The following CASZ1 variants were observed in gnomAD, a reference collection of about 807,000 sequenced individuals.
CASZ1 encodes the protein zinc finger protein castor homolog 1.
A neutral mutation model predicts 135.2 loss-of-function variants in CASZ1; 28 were observed. That is an observed-to-expected ratio of 0.21 (90% CI 0.15 to 0.28). CASZ1 has a LOEUF of 0.28. Ranked by LOEUF, CASZ1 falls within the 10% of genes least tolerant of loss-of-function variation. CASZ1 has a pLI of 1.00. For synonymous variants in CASZ1, 1,068 were observed against 1,073.4 expected (o/e 0.99, Z 0.10); for missense variants, 2,161 against 2,453.3 (o/e 0.88, Z 2.52).
At chr1:10,753,941 C>T (rs546730893) in intron 2 of CASZ1, among the ~76,000 whole-genome samples, 2 of 152,324 alleles carry the variant, frequency 1.3e-5, no homozygotes, top group East Asian at 3.9e-4. Context: ...CCTGCAAGGC[C>T]TACGGGATCT....
At chr1:10,770,326 C>T (rs1050945705) in intron 1 of CASZ1, among the ~76,000 whole-genome samples, 1 of 152,178 alleles carries the variant, frequency 6.6e-6, no homozygotes, top group African/African-American at 2.4e-5. Flanking sequence ...CTCAAGTGGT[C>T]TGTCTGCTTC....
rs931880143 is a variant in CASZ1, at chr1:10,676,043, C to G, written c.17-10472G>C. On this transcript the variant is annotated intron_variant, in intron 4 of 20. Transcript: ENST00000377022. This position sits in a 1 kb window ranked among gnomAD's most constrained non-coding sequence, Gnocchi z 4.5. ...GCAGAGACAGTCAGGATGAACCAGG[C>G]GCCCAACCCCAGCAGCCAGGGAGGG... is the stretch of plus-strand genomic sequence containing the variant. Among the ~76,000 whole-genome samples the G allele has an allele frequency of 6.6e-6, 1 of 152,178 alleles. No individual in the cohort carries two copies. The highest frequency in any genetic ancestry group is 2.1e-4 in the South Asian group (1 of 4,830).
chr1:10,664,958 TG>T, intron 5 of CASZ1, 124 bp downstream of exon 5: 1 of 1,130,742 alleles, frequency 8.8e-7, no homozygotes, highest in Non-Finnish European at 1.2e-6. Context: ...CCTCCCTGGG[TG>T]GGATGAGGGG....
rs199542043 is a variant in CASZ1, at chr1:10,655,788, A to G, written c.1526T>C (p.Ile509Thr). 1.7e-4 allele frequency: 267 copies of G among 1,613,966 alleles called. No individual in the cohort carries two copies. Among genetic ancestry groups the G allele is most frequent in the Middle Eastern group, 8.2e-4 (5 of 6,066 alleles). Residue 509 changes from isoleucine to threonine, a missense_variant, in exon 9 of 21, where the codon ATC becomes ACC. Ile to Thr is a moderately conservative substitution (Grantham distance 89). Transcript: ENST00000377022. ...CTTCTTGTGCATGTTGTAGTGGCGG[A>G]TCACGTCCTGCTTACTCGTGAACCT... is the stretch of plus-strand genomic sequence containing the variant. ...YQRFTSKQDV[I>T]RHYNMHKKRD... is the part of the protein sequence containing the mutation.
intron 2 of CASZ1, among the ~76,000 whole-genome samples, chr1:10,758,770 G>A (rs1640307933): frequency 6.6e-6 from 1 of 152,192 alleles, no homozygotes; most frequent in Non-Finnish European, 1.5e-5. Flanking sequence ...ACATTGGTGA[G>A]GCAGGACAGC....
chr1:10,658,271 C>G (rs28635804), intron 7 of CASZ1: 2 of 525,364 alleles, frequency 3.8e-6, no homozygotes, highest in Admixed American at 3.1e-5. Context: ...CCGGCCCTAA[C>G]TGGGGGCACA....
chr1:10,658,664 G>A, intron 6 of CASZ1, 88 bp from the exon 7 acceptor site: 1 of 1,172,644 alleles, frequency 8.5e-7, no homozygotes, highest in Non-Finnish European at 1.3e-6. Flanking sequence ...CCTGCCCTGA[G>A]GCCCCAGCCC....
intron 20 of CASZ1, chr1:10,642,209 G>A (rs117131266): frequency 0.014 from 2,175 of 150,738 alleles, 25 homozygotes; most frequent in East Asian, 0.027. Flanking sequence ...AGGGGCGGCC[G>A]GAGCGTGGCC....
chr1:10,754,009 C>A (rs1179815569), intron 2 of CASZ1, among the ~76,000 whole-genome samples: 1 of 152,182 alleles, frequency 6.6e-6, no homozygotes, highest in African/African-American at 2.4e-5. Flanking sequence ...TCACTCTGCT[C>A]TAGCCACGCT....
Position 10,647,164 on chromosome 1 carries a change from C to T in CASZ1, c.3497+637G>A. 1.1e-6 allele frequency: 1 copy of T among 904,022 alleles called. No individual in the cohort carries two copies. Among genetic ancestry groups the T allele is most frequent in the Non-Finnish European group, 1.3e-6 (1 of 754,708 alleles). 56.0% of individuals were successfully genotyped at this position (904,022 alleles called of 1,614,324 possible). ...TGCTGGGCCCCTTCCATGCTGTGGG[C>T]CCAGCCCCAGTTGCTCAGAGAGGGA... is the stretch of plus-strand genomic sequence containing the variant. On this transcript the variant is annotated intron_variant, in intron 16 of 20. Transcript: ENST00000377022. The surrounding 1 kb of genome is among the most constrained non-coding windows in gnomAD (Gnocchi z 4.9).
In CASZ1 at chr1:10,639,677, G is replaced by T; in HGVS notation, c.4545C>A (p.Phe1515Leu). The change falls in exon 21 of 21, where the codon TTC becomes TTA. Residue 1515 changes from phenylalanine to leucine, a missense_variant. Around this residue, in one of 7 missense-constraint regions of CASZ1, gnomAD observed 240 missense variants for 321.4 expected, o/e 0.75. Coordinates refer to ENST00000377022, the MANE Select transcript of CASZ1 (RefSeq NM_001079843.3). The surrounding 1 kb of genome is among the most constrained non-coding windows in gnomAD (Gnocchi z 4.0). The stretch of plus-strand genomic sequence containing the variant: ...AGCGGAAGCGGCAGCGCAGGCAGTG[G>T]AAGTGCGTGCTGGTGCCCGAGAAGG... The part of the protein sequence containing the change: ...DCPFSGTSTH[F>L]HCLRCRFRCT... 1 of 1,600,030 alleles carries T rather than the reference G, an allele frequency of 6.2e-7. No individual in the cohort carries two copies. Among genetic ancestry groups the T allele is most frequent in the Non-Finnish European group, 8.5e-7 (1 of 1,175,124 alleles).
chr1:10,762,002 C>T lies in CASZ1; in HGVS notation c.-233-1145G>A, dbSNP rs1640385773. ...AAGCGTGTGAGCGGGCTGGGCCCTG[C>T]CTCCTTAGTGTGGCATGGTGTGGGC... On this transcript the variant is annotated intron_variant, in intron 1 of 20. Coordinates refer to ENST00000377022, the MANE Select transcript of CASZ1 (RefSeq NM_001079843.3). This position sits in a 1 kb window ranked among gnomAD's most constrained non-coding sequence, Gnocchi z 4.1. 6.6e-6 allele frequency among the ~76,000 whole-genome samples: 1 copy of T among 152,190 alleles called. No individual in the cohort carries two copies. The highest frequency in any genetic ancestry group is 2.4e-5 in the African/African-American group (1 of 41,452).
intron 1 of CASZ1, among the ~76,000 whole-genome samples, chr1:10,792,837 T>G (rs1389281307): frequency 6.6e-6 from 1 of 152,104 alleles, no homozygotes; most frequent in African/African-American, 2.4e-5. Context: ...CTTTAAAATA[T>G]TTGGGTGACA....
chr1:10,732,746 C>T (rs1270413989), intron 2 of CASZ1, among the ~76,000 whole-genome samples: 1 of 152,196 alleles, frequency 6.6e-6, no homozygotes, highest in Admixed American at 6.5e-5. Flanking sequence ...CCCATGGTGG[C>T]AGCAGCAGTG....
rs1260493117 is a variant in CASZ1 at position 10,720,339 on chromosome 1, A to G, written c.-76-14795T>C. ...ATCGCCATCGCTAAACACTTCTCTA[A>G]CCAGGATATGGTAACTAGGAATCGT... On this transcript the variant is annotated intron_variant, in intron 2 of 20. Coordinates refer to ENST00000377022, the MANE Select transcript of CASZ1 (RefSeq NM_001079843.3). The surrounding 1 kb of genome is among the most constrained non-coding windows in gnomAD (Gnocchi z 5.7). Among the ~76,000 whole-genome samples the G allele has an allele frequency of 6.6e-6, 1 of 152,182 alleles. No homozygotes were observed. Among genetic ancestry groups the G allele is most frequent in the Non-Finnish European group, 1.5e-5 (1 of 68,034 alleles).
rs1448350068 is a variant in CASZ1, at chr1:10,741,018, A to G, written c.-77+19683T>C. ...AAAACACTTAGATTTTTTTTTTGAC[A>G]GTCTTACTCTGTTGCCTAGGCTGGA... On this transcript the variant is annotated intron_variant, in intron 2 of 20. Coordinates refer to ENST00000377022, the MANE Select transcript of CASZ1 (RefSeq NM_001079843.3). The surrounding 1 kb of genome is among the most constrained non-coding windows in gnomAD (Gnocchi z 5.0). Among the ~76,000 whole-genome samples, 1 of 141,110 alleles carries G rather than the reference A, an allele frequency of 7.1e-6. No homozygotes were observed. Among genetic ancestry groups the G allele is most frequent in the Non-Finnish European group, 1.5e-5 (1 of 65,228 alleles). The allele number at this position is 141,110 out of a possible 152,430, so 92.6% of individuals were successfully genotyped here.
At position 10,777,717 on chromosome 1, in the gene CASZ1, C is replaced by G. The variant is rs889643706; in HGVS notation, c.-233-16860G>C. Among the ~76,000 whole-genome samples, 2 of 151,676 alleles carry G rather than the reference C, an allele frequency of 1.3e-5. No homozygotes were observed. Among genetic ancestry groups the G allele is most frequent in the African/African-American group, 4.8e-5 (2 of 41,248 alleles). On this transcript the variant is annotated intron_variant, in intron 1 of 20. Transcript: ENST00000377022. This position sits in a 1 kb window ranked among gnomAD's most constrained non-coding sequence, Gnocchi z 4.4. ...ACACACCATCTCATACAAAATCACA[C>G]ACAAAACCACATACCACGTTACAAT...
intron 1 of CASZ1, among the ~76,000 whole-genome samples, chr1:10,778,046 T>C (rs1222785655): frequency 3.4e-5 from 5 of 148,406 alleles, no homozygotes. Context: ...CACACAATCA[T>C]ACAATTTCAC....
chr1:10,744,890 G>A lies in CASZ1; in HGVS notation c.-77+15811C>T, dbSNP rs146300746. On this transcript the variant is annotated intron_variant, in intron 2 of 20. Transcript: ENST00000377022. ...ACAGGCACCCCGGTACACGGTACAC[G>A]CAGACGCATGTCTGCCATGTGCTCC... is the stretch of plus-strand genomic sequence containing the variant. Among the ~76,000 whole-genome samples, 210 of 152,284 alleles carry A rather than the reference G, an allele frequency of 1.4e-3. 4 individuals are homozygous for A. The East Asian group carries it at 0.024, about 17-fold the overall frequency.
Sources: gnomAD v4.1 joint callset for allele counts (sites outside exome capture counted in the v4.1 genomes callset) on GRCh38, gnomAD v4.1.1 for gene constraint, gnomAD v4.1.1 regional missense constraint, Gnocchi (gnomAD v3.1) non-coding constraint, MANE v1.5 for transcripts, NCBI Gene and HGNC (gene_info 2026-07-23, HGNC 2026-07-21) for gene names.